Variants in CHD9 observed in about 807,000 individuals in gnomAD.
CHD9 encodes the protein ATP-dependent chromatin remodeler CHD9.
In CHD9, 77 loss-of-function variants were observed where a neutral mutation model predicts 316.1. The observed-to-expected ratio is 0.24, with a 90% CI of 0.20 to 0.29. The LOEUF is 0.29. Ranked by LOEUF, CHD9 falls within the 10% of genes least tolerant of loss-of-function variation. The probability of loss-of-function intolerance (pLI) is 1.00; values close to 1 mark genes in which losing one functional copy is unlikely to be tolerated. For missense variants in CHD9, 2,763 were observed against 3,438.1 expected (o/e 0.80, Z 4.91); for synonymous variants, 1,129 against 1,158.3 (o/e 0.97, Z 0.51).
rs189050925 is a variant in CHD9, at chr16:53,305,047, A to T, written c.6619+422A>T. On this transcript the variant is annotated intron_variant, in intron 31 of 38. Coordinates refer to ENST00000447540, the MANE Select transcript of CHD9 (RefSeq NM_001308319.2). Reference sequence around the variant, plus strand: ...AGAACTCGTTTCAGGTAACTTAAGGATGTTTAAAATTGTTTGCTTACAGTG... The same window carrying T: ...AGAACTCGTTTCAGGTAACTTAAGGTTGTTTAAAATTGTTTGCTTACAGTG... Among the ~76,000 whole-genome samples, 3 of 149,976 alleles carry T rather than the reference A, an allele frequency of 2.0e-5. No homozygotes were observed. The Admixed American group carries it at 2.0e-4, about 10-fold the overall frequency.
At chr16:53,226,309 T>G in intron 4 of CHD9, 57 bp from the exon 5 acceptor site, 1 of 1,290,336 alleles carries the variant, frequency 7.7e-7, no homozygotes. Context: ...GTAATTATTT[T>G]CAAAAACTTT....
chr16:53,301,154 CAAT>C (rs1258132965), intron 30 of CHD9, among the ~76,000 whole-genome samples: 1 of 152,078 alleles, frequency 6.6e-6, no homozygotes, highest in Non-Finnish European at 1.5e-5. Context: ...ATAAATGGGA[CAAT>C]AATTGGTGTA....
chr16:53,314,707 T>G (rs530177643), intron 35 of CHD9, 116 bp from the exon 36 acceptor site: 1 of 1,058,098 alleles, frequency 9.5e-7, no homozygotes, highest in African/African-American at 1.6e-5. Context: ...TTTAAAAGAT[T>G]TAGCAGAATT....
At chr16:53,164,874 C>T (rs1339734757) in intron 2 of CHD9, among the ~76,000 whole-genome samples, 2 of 151,938 alleles carry the variant, frequency 1.3e-5, no homozygotes, top group Non-Finnish European at 2.9e-5. Context: ...AGGTTGGTCT[C>T]GAACTTCTGA....
chr16:53,260,114 A>G (rs1387855829), intron 19 of CHD9, among the ~76,000 whole-genome samples: 1 of 152,200 alleles, frequency 6.6e-6, no homozygotes, highest in Non-Finnish European at 1.5e-5. Flanking sequence ...GTTTTAACAT[A>G]CTTATTTTAT....
At chr16:53,306,553 A>G (rs954344956) in intron 32 of CHD9, among the ~76,000 whole-genome samples, 156 bp downstream of exon 32, 33 of 152,222 alleles carry the variant, frequency 2.2e-4, no homozygotes, top group African/African-American at 6.5e-4. Context: ...ACTGCTATCA[A>G]GTAAATAGTT....
At chr16:53,064,418 G>T (rs2033293388) in intron 1 of CHD9, among the ~76,000 whole-genome samples, 1 of 152,108 alleles carries the variant, frequency 6.6e-6, no homozygotes, top group Non-Finnish European at 1.5e-5. Context: ...TCATTCCAGG[G>T]GCTCAGGGTA....
chr16:53,296,743 C>T (rs926646102), intron 29 of CHD9, among the ~76,000 whole-genome samples: 1 of 151,946 alleles, frequency 6.6e-6, no homozygotes, highest in African/African-American at 2.4e-5. Flanking sequence ...CCGCGCCCGA[C>T]CCATTAAAAG....
chr16:53,133,258 C>A (rs2039465964), intron 1 of CHD9, among the ~76,000 whole-genome samples: 1 of 152,034 alleles, frequency 6.6e-6, no homozygotes, highest in Non-Finnish European at 1.5e-5. Flanking sequence ...AGATGATATC[C>A]TAAAGGCACA....
At chr16:53,276,044 C>T (rs2052778240) in intron 24 of CHD9, among the ~76,000 whole-genome samples, 1 of 152,148 alleles carries the variant, frequency 6.6e-6, no homozygotes, top group Non-Finnish European at 1.5e-5. Flanking sequence ...TTATAATTCT[C>T]CAATCTCATC....
intron 1 of CHD9, among the ~76,000 whole-genome samples, chr16:53,116,123 G>A (rs748191768): frequency 6.6e-6 from 1 of 152,088 alleles, no homozygotes; most frequent in Non-Finnish European, 1.5e-5. Flanking sequence ...GCAGTGGTGC[G>A]ATCTCACCTC....
chr16:53,069,712 T>C (rs2033842089), intron 1 of CHD9, among the ~76,000 whole-genome samples: 2 of 152,244 alleles, frequency 1.3e-5, no homozygotes. Context: ...TGTATAGATA[T>C]CTGTTTATGT....
chr16:53,059,423 G>C (rs2032578041), intron 1 of CHD9, among the ~76,000 whole-genome samples: 1 of 152,170 alleles, frequency 6.6e-6, no homozygotes. Flanking sequence ...GGGCAACATA[G>C]TGAGACCCCC....
Position 53,314,880 on chromosome 16 carries a change from T to C in CHD9, c.7420T>C (p.Tyr2474His). 6.2e-7 allele frequency: 1 copy of C among 1,613,874 alleles called. No homozygotes were observed. Among genetic ancestry groups the C allele is most frequent in the Non-Finnish European group, 8.5e-7 (1 of 1,179,810 alleles). ...CACAGGGATAAATCCAGCACTATCC[T>C]ATACTCAACCTCAAGGAATTCCTGA... ...ISTGINPALS[Y>H]TQPQGIPDTE... Residue 2474 changes from tyrosine to histidine, a missense_variant, in exon 36 of 39, where the codon TAT (tyrosine) becomes CAT (histidine). Transcript: ENST00000447540.
chr16:53,247,611 T>G, intron 16 of CHD9, 108 bp downstream of exon 16: 2 of 755,940 alleles, frequency 2.6e-6, no homozygotes, highest in Non-Finnish European at 4.3e-6. Context: ...TTTGCTAGAT[T>G]AGAATAATGC....
intron 3 of CHD9, among the ~76,000 whole-genome samples, chr16:53,212,956 C>T (rs1224875600): frequency 1.3e-5 from 2 of 152,164 alleles, no homozygotes; most frequent in Non-Finnish European, 2.9e-5. Flanking sequence ...TTTCTGACAA[C>T]ATAAATAGCA....
chr16:53,267,795 A>G lies in CHD9; in HGVS notation c.4518-132A>G, dbSNP rs544144683. 10 of 697,412 alleles carry G rather than the reference A, an allele frequency of 1.4e-5. No individual in the cohort carries two copies. In the Admixed American group the frequency reaches 2.3e-4, roughly 16 times the overall value. The allele number at this position is 697,412 out of a possible 1,614,324, so 43.2% of individuals were successfully genotyped here. On this transcript the variant is annotated intron_variant, in intron 21 of 38. Transcript: ENST00000447540. ...TTACTATACCATTCCTCTACATTCT[A>G]TGCATGGGTAGGGAAGACTTAATTA...
intron 2 of CHD9, among the ~76,000 whole-genome samples, chr16:53,173,704 C>A (rs563709550): frequency 6.6e-6 from 1 of 152,148 alleles, no homozygotes; most frequent in East Asian, 1.9e-4. Context: ...GCCACCATGC[C>A]CACCTAATTT....
chr16:53,303,711 A>T lies in CHD9; in HGVS notation c.5714-9A>T. 2 of 1,552,492 alleles carry T rather than the reference A, an allele frequency of 1.3e-6. No individual in the cohort carries two copies. Among genetic ancestry groups the T allele is most frequent in the Middle Eastern group, 1.7e-4 (1 of 5,802 alleles). ...AGATTAATATTTTTGTCCTTGTTTC[A>T]ATATGTAGAATTGGTGGATCCAAAT... is the stretch of plus-strand genomic sequence containing the variant. On this transcript the variant is annotated splice_polypyrimidine_tract_variant and intron_variant, in intron 30 of 38. Coordinates refer to ENST00000447540, the MANE Select transcript of CHD9 (RefSeq NM_001308319.2).
Sources: gnomAD v4.1 joint callset for allele counts (sites outside exome capture counted in the v4.1 genomes callset) on GRCh38, gnomAD v4.1.1 for gene constraint, MANE v1.5 for transcripts, NCBI Gene and HGNC (gene_info 2026-07-23, HGNC 2026-07-21) for gene names.